Variants in CDH2 observed in about 807,000 individuals in gnomAD.
CDH2 encodes cadherin-2.
A neutral mutation model predicts 92.0 loss-of-function variants in CDH2; 17 were observed. The observed-to-expected ratio is 0.18, with a 90% CI of 0.13 to 0.28. CDH2 has a LOEUF of 0.28. Among genes scored for constraint, CDH2 ranks in the 10% least tolerant of loss-of-function variants. The pLI is 1.00. For synonymous variants in CDH2, 419 were observed against 415.9 expected (o/e 1.01, Z -0.09); for missense variants, 862 against 1,133.1 (o/e 0.76, Z 3.44).
intron 2 of CDH2, among the ~76,000 whole-genome samples, chr18:28,139,074 CT>C (rs1311247142): frequency 4.0e-5 from 6 of 151,894 alleles, no homozygotes; most frequent in Non-Finnish European, 8.8e-5. Context: ...AGAAAACCTT[CT>C]GCTGACATAA....
rs1035695127 is a variant in CDH2 at position 28,176,969 on chromosome 18, C to G, written c.54G>C (p.Leu18=). ...LRTLLPLLAA[L]LQASVEASGE... ...CGCGGGGACCGCCGCGTACCTGAAG[C>G]AGGGCCGCCAGCAGCGGCAGCAGGG... Residue 18 remains leucine, a synonymous_variant, in exon 1 of 16, where the codon CTG becomes CTC. Transcript: ENST00000269141. The G allele has an allele frequency of 7.0e-7, 1 of 1,420,512 alleles. No individual in the cohort carries two copies. The highest frequency in any genetic ancestry group is 9.2e-7 in the Non-Finnish European group (1 of 1,084,836). 88.0% of individuals were successfully genotyped at this position (1,420,512 alleles called of 1,614,324 possible).
At chr18:28,112,224 C>T (rs947201696) in intron 2 of CDH2, among the ~76,000 whole-genome samples, 3 of 152,156 alleles carry the variant, frequency 2.0e-5, no homozygotes, top group Admixed American at 2.0e-4. Context: ...ATGCAAGACT[C>T]TGTGTCTCCA....
intron 2 of CDH2, among the ~76,000 whole-genome samples, chr18:28,033,392 T>C (rs1478427139): frequency 6.6e-6 from 1 of 152,070 alleles, no homozygotes; most frequent in African/African-American, 2.4e-5. Context: ...TGAAATCCAT[T>C]AGTCTGAAGG....
intron 15 of CDH2, among the ~76,000 whole-genome samples, chr18:27,953,377 C>G (rs1383750128): frequency 6.6e-6 from 1 of 152,094 alleles, no homozygotes; most frequent in African/African-American, 2.4e-5. Context: ...ATATTTTCTA[C>G]TTAATTTTTT....
intron 2 of CDH2, among the ~76,000 whole-genome samples, chr18:28,034,451 AAC>A (rs1394005879): frequency 6.6e-6 from 1 of 152,116 alleles, no homozygotes; most frequent in Non-Finnish European, 1.5e-5. Flanking sequence ...CTGGTTTTTA[AAC>A]AGTTATATAT....
chr18:28,051,146 A>C (rs1351273714), intron 2 of CDH2, among the ~76,000 whole-genome samples: 2 of 152,148 alleles, frequency 1.3e-5, no homozygotes, highest in African/African-American at 2.4e-5. Flanking sequence ...GAAGAGATTA[A>C]ATCCTTCCAG....
At chr18:27,994,089 T>G (rs1375893259) in intron 7 of CDH2, among the ~76,000 whole-genome samples, 1 of 152,248 alleles carries the variant, frequency 6.6e-6, no homozygotes, top group African/African-American at 2.4e-5. Flanking sequence ...ATATAAGCTT[T>G]CCTTTTATAT....
intron 2 of CDH2, among the ~76,000 whole-genome samples, chr18:28,106,941 C>T (rs1448246728): frequency 6.6e-6 from 1 of 152,086 alleles, no homozygotes; most frequent in Non-Finnish European, 1.5e-5. Flanking sequence ...TAATCTGGCA[C>T]TGATTAAATA....
intron 2 of CDH2, among the ~76,000 whole-genome samples, chr18:28,068,643 G>A (rs2014557061): frequency 6.6e-6 from 1 of 152,144 alleles, no homozygotes; most frequent in Admixed American, 6.5e-5. Flanking sequence ...CGAGACTATT[G>A]ACACTTGATG....
intron 2 of CDH2, among the ~76,000 whole-genome samples, chr18:28,037,525 A>G (rs943207020): frequency 1.3e-5 from 2 of 152,198 alleles, no homozygotes; most frequent in African/African-American, 4.8e-5. Context: ...ACTTTGAGAC[A>G]ATGCTGAACC....
rs569047111 is a variant in CDH2 at position 28,002,669 on chromosome 18, G to A, written c.1020+328C>T. ...AAGTTTGTGTGCAAATTATTTGGCTGTGATTTTTAATTCCTCACAAAAACC... is the reference window on the plus strand; with the variant it reads ...AAGTTTGTGTGCAAATTATTTGGCTATGATTTTTAATTCCTCACAAAAACC... On this transcript the variant is annotated intron_variant, in intron 7 of 15. Coordinates refer to ENST00000269141, the MANE Select transcript of CDH2 (RefSeq NM_001792.5). Among the ~76,000 whole-genome samples the A allele has an allele frequency of 1.8e-4, 27 of 152,276 alleles. No homozygotes were observed. The East Asian group carries it at 5.0e-3, about 28-fold the overall frequency.
At chr18:28,021,875 T>A (rs17445896) in intron 2 of CDH2, among the ~76,000 whole-genome samples, 1 of 152,054 alleles carries the variant, frequency 6.6e-6, no homozygotes, top group Admixed American at 6.6e-5. Flanking sequence ...TTTGACTTTT[T>A]ATTTTTTTCC....
intron 6 of CDH2, 32 bp from the exon 7 acceptor site, chr18:28,003,201 T>G: frequency 6.5e-7 from 1 of 1,536,586 alleles, no homozygotes; most frequent in Non-Finnish European, 9.0e-7. Flanking sequence ...AATGAATGGT[T>G]ACCCTTCATT....
intron 1 of CDH2, among the ~76,000 whole-genome samples, chr18:28,152,692 CTGTTGGCTGGGGG>C (rs1159097826): frequency 6.6e-6 from 1 of 152,152 alleles, no homozygotes; most frequent in Non-Finnish European, 1.5e-5. Context: ...TGGGGTTATC[CTGTTGGCTGGGGG>C]AGCCAGGGAC....
At chr18:28,013,934 G>A (rs201978570) in intron 2 of CDH2, 25 bp from the exon 3 acceptor site, 2 of 1,559,008 alleles carry the variant, frequency 1.3e-6, no homozygotes, top group Admixed American at 3.4e-5. Context: ...AAATAGGTCA[G>A]TTATTATAAT....
intron 1 of CDH2, among the ~76,000 whole-genome samples, chr18:28,158,945 C>T (rs1343662256): frequency 6.6e-6 from 1 of 152,090 alleles, no homozygotes; most frequent in Non-Finnish European, 1.5e-5. Flanking sequence ...ATTTATGTTA[C>T]GCATACAACT....
chr18:27,985,970 G>A (rs990832019), intron 11 of CDH2, among the ~76,000 whole-genome samples: 9 of 152,096 alleles, frequency 5.9e-5, no homozygotes, highest in Non-Finnish European at 1.3e-4. Context: ...TGCCACTGCT[G>A]CTCTGCAGGA....
At chr18:28,049,447 A>C (rs1384719220) in intron 2 of CDH2, among the ~76,000 whole-genome samples, 1 of 152,178 alleles carries the variant, frequency 6.6e-6, no homozygotes, top group African/African-American at 2.4e-5. Context: ...ACAAATATAC[A>C]CTGTGGTAGT....
intron 6 of CDH2, among the ~76,000 whole-genome samples, chr18:27,942,479 C>A (rs116858813): frequency 6.6e-6 from 1 of 152,252 alleles, no homozygotes; most frequent in Non-Finnish European, 1.5e-5. Flanking sequence ...CATTAAAGGG[C>A]ACAGGTGGGA....
Sources: allele counts gnomAD v4.1 joint callset (sites outside exome capture counted in the v4.1 genomes callset), GRCh38; gene constraint gnomAD v4.1.1; transcripts MANE v1.5; gene names NCBI Gene and HGNC (gene_info 2026-07-23, HGNC 2026-07-21).